Variants in NKAIN2 observed in about 807,000 individuals in gnomAD.
The protein encoded by NKAIN2 is sodium/potassium-transporting ATPase subunit beta-1-interacting protein 2.
Under a neutral mutation model 32.6 loss-of-function variants are expected in NKAIN2, and 14 were observed. That is an observed-to-expected ratio of 0.43 (90% CI 0.28 to 0.67). The LOEUF (loss-of-function observed/expected upper bound fraction) is 0.67, where lower values mean the gene tolerates loss of function less well. Ranked by LOEUF, NKAIN2 falls within the 30% of genes least tolerant of loss-of-function variation. NKAIN2 has a pLI of 0.17. For synonymous variants in NKAIN2, 80 were observed against 87.2 expected, an observed-to-expected ratio of 0.92 and a Z score of 0.46; for missense variants, 198 against 258.3, an observed-to-expected ratio of 0.77 and a Z score of 1.60.
At chr6:124,506,051 G>C (rs1338581805) in intron 3 of NKAIN2, among the ~76,000 whole-genome samples, 1 of 152,048 alleles carries the variant, frequency 6.6e-6, no homozygotes, top group Non-Finnish European at 1.5e-5. Flanking sequence ...CATGGTGGCA[G>C]GCGCCTGTAG....
intron 1 of NKAIN2, among the ~76,000 whole-genome samples, chr6:123,838,572 C>T (rs567934991): frequency 5.8e-4 from 88 of 152,112 alleles, no homozygotes; most frequent in African/African-American, 1.9e-3. Context: ...TGTAAAATGC[C>T]GTTTGATGAA....
intron 1 of NKAIN2, among the ~76,000 whole-genome samples, chr6:123,958,998 A>G (rs1184367861): frequency 6.6e-6 from 1 of 152,204 alleles, no homozygotes; most frequent in African/African-American, 2.4e-5. Context: ...ATCCCAGGGA[A>G]GCTTTCATCC....
chr6:124,402,345 G>C (rs767515820), intron 3 of NKAIN2, among the ~76,000 whole-genome samples: 137 of 152,120 alleles, frequency 9.0e-4, no homozygotes, highest in Non-Finnish European at 1.7e-3. Context: ...TTTTCTGTAT[G>C]CATATTTGAC....
intron 1 of NKAIN2, among the ~76,000 whole-genome samples, chr6:124,191,786 A>G (rs1790033790): frequency 6.6e-6 from 1 of 152,090 alleles, no homozygotes; most frequent in South Asian, 2.1e-4. Context: ...TTCACTAAGA[A>G]TTTTTTCATG....
At chr6:124,813,622 A>C (rs1308764130) in intron 5 of NKAIN2, among the ~76,000 whole-genome samples, 2 of 152,146 alleles carry the variant, frequency 1.3e-5, no homozygotes, top group East Asian at 3.9e-4. Context: ...TCTCATCCTC[A>C]GATGTTGTGT....
chr6:124,331,728 A>G (rs1797670552), intron 2 of NKAIN2, among the ~76,000 whole-genome samples: 1 of 152,178 alleles, frequency 6.6e-6, no homozygotes, highest in Admixed American at 6.5e-5. Context: ...GACAAAGAGC[A>G]GGAAAAACAC....
chr6:124,700,001 TTTCAG>T (rs1217584926), intron 4 of NKAIN2, among the ~76,000 whole-genome samples: 3 of 152,154 alleles, frequency 2.0e-5, no homozygotes, highest in Non-Finnish European at 2.9e-5. Flanking sequence ...TTTTTCTTTC[TTTCAG>T]TTAAGTAAGA....
At chr6:124,097,766 T>A (rs1238821907) in intron 1 of NKAIN2, among the ~76,000 whole-genome samples, 1 of 152,168 alleles carries the variant, frequency 6.6e-6, no homozygotes, top group Non-Finnish European at 1.5e-5. Flanking sequence ...CATCATGATA[T>A]TATATTTTCT....
chr6:124,408,047 G>T (rs1290811331), intron 3 of NKAIN2, among the ~76,000 whole-genome samples: 2 of 151,974 alleles, frequency 1.3e-5, no homozygotes, highest in Non-Finnish European at 2.9e-5. Context: ...GGGGTTGTTT[G>T]TTTTTTTCTT....
intron 1 of NKAIN2, among the ~76,000 whole-genome samples, chr6:123,917,720 C>A (rs1026167930): frequency 6.6e-6 from 1 of 152,124 alleles, no homozygotes; most frequent in African/African-American, 2.4e-5. Flanking sequence ...AGCTCACAGA[C>A]GAATTCATAA....
intron 1 of NKAIN2, among the ~76,000 whole-genome samples, chr6:124,024,942 GCGC>G (rs1781037777): frequency 4.6e-5 from 7 of 151,464 alleles, no homozygotes; most frequent in African/African-American, 7.3e-5. Flanking sequence ...AGCCAGGATG[GCGC>G]CACTGCTCCA....
chr6:124,226,827 G>C (rs1320521114), intron 1 of NKAIN2, among the ~76,000 whole-genome samples: 2 of 151,996 alleles, frequency 1.3e-5, no homozygotes, highest in Non-Finnish European at 2.9e-5. Flanking sequence ...GAGGTGTTTA[G>C]GGAAGTATTT....
At chr6:124,514,781 A>AT (rs1778842598) in intron 3 of NKAIN2, among the ~76,000 whole-genome samples, 1 of 151,250 alleles carries the variant, frequency 6.6e-6, no homozygotes, top group Non-Finnish European at 1.5e-5. Flanking sequence ...AAAAAAAAAA[A>AT]GCTCATGCCT....
At chr6:124,387,275 A>T (rs373258949) in intron 3 of NKAIN2, among the ~76,000 whole-genome samples, 17 of 145,252 alleles carry the variant, frequency 1.2e-4, no homozygotes, top group African/African-American at 3.6e-4. Flanking sequence ...CTGTAAAAAA[A>T]GTTTGGACCT....
intron 2 of NKAIN2, among the ~76,000 whole-genome samples, chr6:124,313,516 G>C (rs1232175845): frequency 6.6e-6 from 1 of 152,118 alleles, no homozygotes; most frequent in Admixed American, 6.6e-5. Context: ...AGGTGCCTAG[G>C]CTGGGAATAG....
intron 2 of NKAIN2, among the ~76,000 whole-genome samples, chr6:124,288,594 G>A (rs1391732460): frequency 6.6e-6 from 1 of 152,062 alleles, no homozygotes; most frequent in East Asian, 1.9e-4. Flanking sequence ...GAATTAGAAT[G>A]GCATGTTATT....
chr6:123,846,569 A>G (rs1002259669), intron 1 of NKAIN2, among the ~76,000 whole-genome samples: 2 of 152,200 alleles, frequency 1.3e-5, no homozygotes. Context: ...GTTGTGATGA[A>G]CTAAGTGGGA....
chr6:124,550,409 G>A (rs1189195912), intron 3 of NKAIN2, among the ~76,000 whole-genome samples: 1 of 151,288 alleles, frequency 6.6e-6, no homozygotes, highest in Non-Finnish European at 1.5e-5. Context: ...TCTTGTATGT[G>A]TATACATTTC....
intron 3 of NKAIN2, among the ~76,000 whole-genome samples, chr6:124,380,151 G>A (rs898763183): frequency 3.3e-5 from 5 of 152,232 alleles, no homozygotes; most frequent in Non-Finnish European, 5.9e-5. Context: ...GCCACACTGC[G>A]TCCCAGCTAT....
Sources: allele counts gnomAD v4.1 joint callset (sites outside exome capture counted in the v4.1 genomes callset), GRCh38; gene constraint gnomAD v4.1.1; transcripts MANE v1.5; gene names NCBI Gene and HGNC (gene_info 2026-07-23, HGNC 2026-07-21).